Variants in METTL15 observed in about 807,000 individuals in gnomAD.
The protein encoded by METTL15 is 12S rRNA N(4)-cytidine methyltransferase METTL15.
METTL15 carries 34 observed loss-of-function variants against 38.3 expected under a neutral mutation model. That is an observed-to-expected ratio of 0.89 (90% CI 0.68 to 1.18). METTL15 has a LOEUF of 1.18. Ranked by LOEUF, METTL15 falls within the 50% of genes most tolerant of loss-of-function variation. The pLI, the probability that METTL15 is intolerant of heterozygous loss-of-function variation, is 0.00. For missense variants in METTL15, 438 were observed against 498.4 expected (o/e 0.88, Z 1.15); for synonymous variants, 162 against 170.9 (o/e 0.95, Z 0.41).
At chr11:28,429,128 C>A (rs1850889595) in intron 6 of METTL15, among the ~76,000 whole-genome samples, 1 of 152,236 alleles carries the variant, frequency 6.6e-6, no homozygotes, top group Non-Finnish European at 1.5e-5. Context: ...TTATCCTACC[C>A]TATTTTGTGT....
chr11:28,440,062 A>G (rs1851020971), intron 6 of METTL15, among the ~76,000 whole-genome samples: 1 of 152,098 alleles, frequency 6.6e-6, no homozygotes, highest in Non-Finnish European at 1.5e-5. Flanking sequence ...GACTGTGGCA[A>G]TTTGCATGAG....
intron 3 of METTL15, among the ~76,000 whole-genome samples, chr11:28,203,482 A>C (rs1046230446): frequency 2.0e-5 from 3 of 152,112 alleles, no homozygotes; most frequent in Non-Finnish European, 4.4e-5. Flanking sequence ...CATATTAAGA[A>C]AGAGAAAACT....
At chr11:28,468,715 A>G (rs1373720456) in intron 6 of METTL15, among the ~76,000 whole-genome samples, 1 of 152,176 alleles carries the variant, frequency 6.6e-6, no homozygotes, top group Admixed American at 6.5e-5. Context: ...AAGTCAGCAA[A>G]GGGAGCTTCG....
intron 5 of METTL15, among the ~76,000 whole-genome samples, chr11:28,423,830 T>C (rs965396544): frequency 1.3e-5 from 2 of 151,050 alleles, no homozygotes; most frequent in African/African-American, 2.5e-5. Flanking sequence ...AATTTAACTG[T>C]ACATTTTAAT....
rs374773850 is a variant in METTL15, at chr11:28,186,992, G to A, written c.271-24070G>A. 9.3e-5 allele frequency among the ~76,000 whole-genome samples: 14 copies of A among 151,020 alleles called. No individual in the cohort carries two copies. In the East Asian group the frequency reaches 2.5e-3, roughly 27 times the overall value. On this transcript the variant is annotated intron_variant, in intron 3 of 6. Transcript: ENST00000407364. ...ACTACAGTGTTAATATACTTATAAA[G>A]AAACTTCTTAAAAATATAAAAGCAA...
intron 3 of METTL15, among the ~76,000 whole-genome samples, chr11:28,128,567 A>G (rs1447353955): frequency 6.6e-6 from 1 of 152,066 alleles, no homozygotes; most frequent in Non-Finnish European, 1.5e-5. Context: ...AGTGATAGAA[A>G]CTTAAATTTT....
At chr11:28,210,734 A>G (rs1852597534) in intron 3 of METTL15, among the ~76,000 whole-genome samples, 2 of 152,002 alleles carry the variant, frequency 1.3e-5, no homozygotes, top group Admixed American at 1.3e-4. Flanking sequence ...TGTTATTACC[A>G]GCTGGATGCT....
At chr11:28,370,269 G>C (rs1226437015) in intron 5 of METTL15, among the ~76,000 whole-genome samples, 1 of 151,344 alleles carries the variant, frequency 6.6e-6, no homozygotes, top group Admixed American at 6.6e-5. Flanking sequence ...TAAAGCTTTG[G>C]GAGATCCACT....
chr11:28,230,457 A>G (rs1853642105), intron 4 of METTL15, among the ~76,000 whole-genome samples: 1 of 151,972 alleles, frequency 6.6e-6, no homozygotes, highest in South Asian at 2.1e-4. Context: ...TCATTTGAAC[A>G]TATCCATATG....
intron 4 of METTL15, among the ~76,000 whole-genome samples, chr11:28,278,755 G>A (rs1855936444): frequency 6.6e-6 from 1 of 152,090 alleles, no homozygotes; most frequent in African/African-American, 2.4e-5. Context: ...ATAGGTAGTT[G>A]AATTTGGTTT....
At chr11:28,374,295 G>T (rs1850280860) in intron 5 of METTL15, among the ~76,000 whole-genome samples, 1 of 152,158 alleles carries the variant, frequency 6.6e-6, no homozygotes, top group South Asian at 2.1e-4. Context: ...TCCTACCCAT[G>T]AGCATGGAAT....
intron 6 of METTL15, among the ~76,000 whole-genome samples, chr11:28,503,635 A>G (rs1339056604): frequency 6.6e-6 from 1 of 151,636 alleles, no homozygotes; most frequent in Non-Finnish European, 1.5e-5. Flanking sequence ...TACTAAAAAT[A>G]TAAAAATTAG....
At chr11:28,387,357 A>C (rs939667136) in intron 5 of METTL15, among the ~76,000 whole-genome samples, 35 of 151,898 alleles carry the variant, frequency 2.3e-4, no homozygotes, top group African/African-American at 8.4e-4. Flanking sequence ...GAAAAAGGAG[A>C]TATTACAACT....
intron 4 of METTL15, among the ~76,000 whole-genome samples, chr11:28,246,572 A>G (rs1854522136): frequency 6.6e-6 from 1 of 152,150 alleles, no homozygotes; most frequent in Admixed American, 6.6e-5. Flanking sequence ...CTAGCAGGTA[A>G]TAAGTGCTAT....
intron 3 of METTL15, among the ~76,000 whole-genome samples, chr11:28,349,793 A>G (rs541139614): frequency 1.3e-5 from 2 of 152,176 alleles, no homozygotes; most frequent in South Asian, 4.1e-4. Flanking sequence ...GTGGGCAACT[A>G]CTGTTCTGAT....
chr11:28,174,944 TTTA>T (rs146514463), intron 3 of METTL15, among the ~76,000 whole-genome samples: 69,625 of 150,698 alleles, frequency 0.46, 17,594 homozygotes, highest in Admixed American at 0.56. Context: ...TTATTTTTAT[TTTA>T]TTATTATTTT....
chr11:28,369,531 G>T (rs776629621), intron 5 of METTL15, among the ~76,000 whole-genome samples: 9 of 152,018 alleles, frequency 5.9e-5, no homozygotes, highest in Non-Finnish European at 1.3e-4. Context: ...AAGACAATGA[G>T]AATCTTGAAA....
At chr11:28,429,498 C>T (rs1222006472) in intron 6 of METTL15, among the ~76,000 whole-genome samples, 3 of 135,630 alleles carry the variant, frequency 2.2e-5, no homozygotes, top group Non-Finnish European at 1.6e-5. Context: ...CTGCTGAGTG[C>T]CTGCGATTGC....
chr11:28,218,956 T>C (rs577001291), intron 4 of METTL15, among the ~76,000 whole-genome samples: 24 of 152,284 alleles, frequency 1.6e-4, no homozygotes, highest in African/African-American at 5.8e-4. Flanking sequence ...CTGGATTCGG[T>C]TTGCCAGTAT....
Sources: allele counts gnomAD v4.1 joint callset (sites outside exome capture counted in the v4.1 genomes callset), GRCh38; gene constraint gnomAD v4.1.1; transcripts MANE v1.5; gene names NCBI Gene and HGNC (gene_info 2026-07-23, HGNC 2026-07-21).